Variants in CAST observed in about 807,000 individuals in gnomAD.
The protein encoded by CAST is MIR583 host.
In CAST, 76 loss-of-function variants were observed where a neutral mutation model predicts 119.6. The observed-to-expected ratio is 0.64, with a 90% CI of 0.53 to 0.77. CAST has a LOEUF of 0.77. CAST is among the 30% of genes least tolerant of loss of function. CAST has a pLI of 0.00. For synonymous variants in CAST, 319 were observed against 331.6 expected (o/e 0.96, Z 0.41); for missense variants, 953 against 946.5 (o/e 1.01, Z -0.09).
At chr5:96,619,110 T>C (rs1309289270) in intron 1 of CAST, among the ~76,000 whole-genome samples, 1 of 152,140 alleles carries the variant, frequency 6.6e-6, no homozygotes, top group Non-Finnish European at 1.5e-5. Flanking sequence ...CTTGGAGAAC[T>C]TTTATGTCTA....
the CAST span, among the ~76,000 whole-genome samples, chr5:96,356,418 T>A: frequency 2.1e-4 from 32 of 152,246 alleles, no homozygotes; most frequent in Non-Finnish European, 3.8e-4. Flanking sequence ...CATGCCTGTG[T>A]CCTTAATGGT....
intron 29 of CAST, 30 bp from the exon 30 acceptor site, chr5:96,770,501 C>T (rs1297632045): frequency 1.3e-6 from 2 of 1,481,778 alleles, no homozygotes; most frequent in African/African-American, 1.4e-5. Flanking sequence ...TGGTGATAGC[C>T]ATAGCCTCAT....
the CAST span, among the ~76,000 whole-genome samples, chr5:95,991,197 C>T: frequency 1.3e-5 from 2 of 152,138 alleles, no homozygotes; most frequent in Non-Finnish European, 2.9e-5. Context: ...TGCTTGGTCT[C>T]TTAAGATTTG....
At chr5:96,555,449 A>C (rs1046323162) in intron 1 of CAST, among the ~76,000 whole-genome samples, 1 of 152,232 alleles carries the variant, frequency 6.6e-6, no homozygotes, top group Non-Finnish European at 1.5e-5. Context: ...CAGGAAGTGC[A>C]AGGGGTCAGG....
chr5:96,409,282 A>C, the CAST span, among the ~76,000 whole-genome samples: 1 of 152,108 alleles, frequency 6.6e-6, no homozygotes, highest in Non-Finnish European at 1.5e-5. Flanking sequence ...TGTGGGAGGG[A>C]GGTGTAAAAA....
intron 1 of CAST, among the ~76,000 whole-genome samples, chr5:96,656,843 G>T (rs1423327904): frequency 6.6e-6 from 1 of 152,068 alleles, no homozygotes; most frequent in Non-Finnish European, 1.5e-5. Context: ...CTTCTTTCTA[G>T]AAACTAGTGA....
Position 96,600,267 on chromosome 5 carries a change from A to G in CAST, c.60+70387A>G, listed in dbSNP as rs1030770514. Among the ~76,000 whole-genome samples the G allele has an allele frequency of 3.3e-5, 5 of 152,344 alleles. No homozygotes were observed. In the East Asian group the frequency reaches 9.6e-4, roughly 29 times the overall value. Reference sequence around the variant, plus strand: ...GGCAAACACACAGTCTAATATAGAAAGGTTTTATATATGCATTGCACCACA... The same window carrying G: ...GGCAAACACACAGTCTAATATAGAAGGGTTTTATATATGCATTGCACCACA... On this transcript the variant is annotated intron_variant, in intron 1 of 11. Transcript: ENST00000505143.
the CAST span, among the ~76,000 whole-genome samples, chr5:96,332,589 A>G: frequency 6.6e-6 from 1 of 152,208 alleles, no homozygotes; most frequent in African/African-American, 2.4e-5. Context: ...TACAAGTCCC[A>G]GAAACTGAGA....
At chr5:96,771,962 A>G (rs569795908) in intron 31 of CAST, 1 of 285,842 alleles carries the variant, frequency 3.5e-6, no homozygotes, top group East Asian at 6.4e-5. Flanking sequence ...GGCACTTAGA[A>G]TGACCATCTG....
At chr5:96,674,771 G>A (rs1174078176) in intron 1 of CAST, among the ~76,000 whole-genome samples, 1 of 152,168 alleles carries the variant, frequency 6.6e-6, no homozygotes, top group Non-Finnish European at 1.5e-5. Context: ...ACAGTTAACA[G>A]TAATGTATTA....
the CAST span, among the ~76,000 whole-genome samples, chr5:96,239,878 G>A: frequency 2.0e-5 from 3 of 150,984 alleles, no homozygotes; most frequent in African/African-American, 4.9e-5. Flanking sequence ...TTCTAGATAC[G>A]TGTTATAATT....
the CAST span, among the ~76,000 whole-genome samples, chr5:96,459,480 T>C: frequency 1.5e-4 from 23 of 152,284 alleles, no homozygotes; most frequent in African/African-American, 5.3e-4. Context: ...ATTAATATAG[T>C]AGTTGAAATG....
At chr5:96,489,937 C>T in the CAST span, among the ~76,000 whole-genome samples, 1 of 152,178 alleles carries the variant, frequency 6.6e-6, no homozygotes, top group Non-Finnish European at 1.5e-5. Context: ...GGACTTCATC[C>T]TCTAGAAGTC....
chr5:96,461,009 G>C, the CAST span, among the ~76,000 whole-genome samples: 1 of 152,032 alleles, frequency 6.6e-6, no homozygotes, highest in East Asian at 1.9e-4. Context: ...ATACCCATTA[G>C]CAAGCAATCA....
chr5:96,502,104 T>C, the CAST span, among the ~76,000 whole-genome samples: 1 of 152,340 alleles, frequency 6.6e-6, no homozygotes, highest in South Asian at 2.1e-4. Flanking sequence ...ATTGGCAAGA[T>C]TGATGTGATA....
chr5:96,438,785 T>C, the CAST span, among the ~76,000 whole-genome samples: 6,677 of 152,202 alleles, frequency 0.044, 503 homozygotes, highest in African/African-American at 0.15. Flanking sequence ...TATTTCGGTG[T>C]AAAAATTATT....
At chr5:96,332,128 AAGTTT>A in the CAST span, among the ~76,000 whole-genome samples, 1 of 152,190 alleles carries the variant, frequency 6.6e-6, no homozygotes, top group Non-Finnish European at 1.5e-5. Flanking sequence ...CCCATCTGGA[AAGTTT>A]ATACAAGAGA....
At chr5:96,091,002 T>G in the CAST span, among the ~76,000 whole-genome samples, 1 of 152,062 alleles carries the variant, frequency 6.6e-6, no homozygotes, top group African/African-American at 2.4e-5. Flanking sequence ...GGTTCCCAGG[T>G]GCATTTTGGT....
rs148183139 is a variant in CAST, at chr5:96,565,754, C to A, written c.60+35874C>A. Reference sequence around the variant, plus strand: ...TAGGAGAAGACCGTGAGGGGAACAGCCATCTCCCCATGAGATGTACCGGGC... The same window carrying A: ...TAGGAGAAGACCGTGAGGGGAACAGACATCTCCCCATGAGATGTACCGGGC... On this transcript the variant is annotated intron_variant, in intron 1 of 11. Coordinates refer to the CAST transcript ENST00000505143. 3.2e-3 allele frequency among the ~76,000 whole-genome samples: 489 copies of A among 152,278 alleles called. 2 individuals are homozygous for A. The highest frequency in any genetic ancestry group is 0.01 in the Middle Eastern group (3 of 294).
Sources: allele counts gnomAD v4.1 joint callset (sites outside exome capture counted in the v4.1 genomes callset), GRCh38; gene constraint gnomAD v4.1.1; transcripts MANE v1.5; gene names NCBI Gene and HGNC (gene_info 2026-07-23, HGNC 2026-07-21).